Variants in CNTNAP2 observed in about 807,000 individuals in gnomAD.
CNTNAP2 encodes contactin associated protein 2.
A neutral mutation model predicts 155.2 loss-of-function variants in CNTNAP2; 98 were observed. That is an observed-to-expected ratio of 0.63 (90% CI 0.54 to 0.75). The LOEUF (loss-of-function observed/expected upper bound fraction) is 0.75, where lower values mean the gene tolerates loss of function less well. Ranked by LOEUF, CNTNAP2 falls within the 30% of genes least tolerant of loss-of-function variation. The pLI is 0.00. For missense variants in CNTNAP2, 1,727 were observed against 1,688.1 expected (o/e 1.02, Z -0.40); for synonymous variants, 651 against 631.2 (o/e 1.03, Z -0.47).
intron 1 of CNTNAP2, among the ~76,000 whole-genome samples, chr7:146,299,319 A>G (rs1406226360): frequency 1.3e-5 from 2 of 152,158 alleles, no homozygotes; most frequent in Non-Finnish European, 2.9e-5. Flanking sequence ...CAGTGTTCTT[A>G]GCAAATTCCT....
intron 13 of CNTNAP2, among the ~76,000 whole-genome samples, chr7:147,860,661 T>G (rs1799120723): frequency 6.6e-6 from 1 of 151,828 alleles, no homozygotes; most frequent in Non-Finnish European, 1.5e-5. Flanking sequence ...ATGTAAGACA[T>G]GCCTTGATTC....
intron 1 of CNTNAP2, among the ~76,000 whole-genome samples, chr7:146,509,686 A>T (rs1324796725): frequency 6.6e-6 from 1 of 151,934 alleles, no homozygotes; most frequent in Admixed American, 6.6e-5. Flanking sequence ...GCAGCCTCTA[A>T]TTCTCACTCC....
chr7:146,930,652 A>G (rs1046076291), intron 3 of CNTNAP2, among the ~76,000 whole-genome samples: 10 of 152,360 alleles, frequency 6.6e-5, no homozygotes, highest in Middle Eastern at 3.4e-3. Flanking sequence ...AATTGGATAA[A>G]GAGTCAAGAC....
intron 1 of CNTNAP2, among the ~76,000 whole-genome samples, chr7:146,506,725 T>C (rs1021937835): frequency 6.6e-6 from 1 of 152,234 alleles, no homozygotes; most frequent in Admixed American, 6.5e-5. Flanking sequence ...CCAGTGAAGA[T>C]TACCATAGGT....
intron 13 of CNTNAP2, among the ~76,000 whole-genome samples, chr7:147,782,796 C>G (rs1239254999): frequency 6.6e-6 from 1 of 152,198 alleles, no homozygotes; most frequent in Non-Finnish European, 1.5e-5. Context: ...TTTACTCTCT[C>G]TCTCCTCTGC....
chr7:146,961,042 A>G (rs1017256435), intron 3 of CNTNAP2, among the ~76,000 whole-genome samples: 3 of 152,174 alleles, frequency 2.0e-5, no homozygotes, highest in Admixed American at 1.3e-4. Flanking sequence ...CTTCCCCACT[A>G]TTATTTTAGA....
intron 9 of CNTNAP2, among the ~76,000 whole-genome samples, chr7:147,334,476 G>A (rs1795631145): frequency 6.6e-6 from 1 of 152,056 alleles, no homozygotes; most frequent in Non-Finnish European, 1.5e-5. Context: ...TGGAGTAACA[G>A]GCACTTATAA....
chr7:147,184,943 C>T (rs147809485), intron 8 of CNTNAP2, among the ~76,000 whole-genome samples: 377 of 152,176 alleles, frequency 2.5e-3, no homozygotes, highest in African/African-American at 8.3e-3. Flanking sequence ...ATTGGGAAAA[C>T]GTTGGTAATG....
chr7:148,158,464 G>A (rs542100778), intron 17 of CNTNAP2, among the ~76,000 whole-genome samples: 6 of 152,134 alleles, frequency 3.9e-5, no homozygotes, highest in South Asian at 4.2e-4. Flanking sequence ...CTCATGATCC[G>A]CTGGCCTCAG....
chr7:148,243,598 CTTTT>C (rs1423557065), intron 20 of CNTNAP2, among the ~76,000 whole-genome samples: 1 of 152,044 alleles, frequency 6.6e-6, no homozygotes, highest in African/African-American at 2.4e-5. Flanking sequence ...GGGAATGCCT[CTTTT>C]TAAACCCGTC....
chr7:146,970,252 C>A (rs1797755673), intron 3 of CNTNAP2, among the ~76,000 whole-genome samples: 1 of 152,120 alleles, frequency 6.6e-6, no homozygotes, highest in African/African-American at 2.4e-5. Context: ...GCAAAAGAAA[C>A]TACCATCAGA....
chr7:146,750,740 A>G (rs1801888781), intron 1 of CNTNAP2, among the ~76,000 whole-genome samples: 1 of 152,266 alleles, frequency 6.6e-6, no homozygotes, highest in Middle Eastern at 3.4e-3. Flanking sequence ...CCAGAAATGT[A>G]TATAGTGATT....
chr7:147,393,105 T>C (rs1442253477), intron 9 of CNTNAP2, among the ~76,000 whole-genome samples: 1 of 151,996 alleles, frequency 6.6e-6, no homozygotes, highest in Non-Finnish European at 1.5e-5. Flanking sequence ...CAGGCCTAAT[T>C]GATTATAGAA....
At chr7:147,107,758 A>C (rs2129279426) in intron 4 of CNTNAP2, among the ~76,000 whole-genome samples, 1 of 152,296 alleles carries the variant, frequency 6.6e-6, no homozygotes, top group East Asian at 1.9e-4. Flanking sequence ...ATATACTTAA[A>C]ATCATGAAGA....
intron 8 of CNTNAP2, among the ~76,000 whole-genome samples, chr7:147,222,263 G>GTT (rs111974164): frequency 4.1e-5 from 6 of 146,684 alleles, no homozygotes; most frequent in African/African-American, 1.5e-4. Context: ...TTCTGTTATA[G>GTT]TTTTTTTTTT....
intron 5 of CNTNAP2, among the ~76,000 whole-genome samples, chr7:147,113,248 T>C (rs1199313535): frequency 6.6e-6 from 1 of 152,134 alleles, no homozygotes; most frequent in East Asian, 1.9e-4. Context: ...CATATTTCTA[T>C]AGGGAAATAC....
In CNTNAP2 at chr7:148,118,192, A is replaced by G; in HGVS notation, c.2458A>G (p.Ser820Gly). Residue 820 changes from serine to glycine, a missense_variant, in exon 16 of 24, where the codon AGC becomes GGC. Transcript: ENST00000361727. ...CTTCTCTACTTTCCAAGGGGAAACT[A>G]GCGCTGACATTTCTTTCTACTTCAA... ...LHFSTFQGET[S>G]ADISFYFKTL... The G allele has an allele frequency of 3.1e-6, 5 of 1,614,184 alleles. No homozygotes were observed. Among genetic ancestry groups the G allele is most frequent in the Non-Finnish European group, 4.2e-6 (5 of 1,180,034 alleles).
chr7:147,933,818 G>A (rs770505645), intron 14 of CNTNAP2, among the ~76,000 whole-genome samples: 11 of 152,042 alleles, frequency 7.2e-5, no homozygotes, highest in African/African-American at 9.7e-5. Context: ...AGCCAAGATC[G>A]CACCATTGCA....
At chr7:148,134,926 A>G (rs1166925824) in intron 16 of CNTNAP2, among the ~76,000 whole-genome samples, 1 of 152,154 alleles carries the variant, frequency 6.6e-6, no homozygotes, top group Non-Finnish European at 1.5e-5. Flanking sequence ...GCATTTATAT[A>G]TACTTTTTTT....
Sources: allele counts gnomAD v4.1 joint callset (sites outside exome capture counted in the v4.1 genomes callset), GRCh38; gene constraint gnomAD v4.1.1; transcripts MANE v1.5; gene names NCBI Gene and HGNC (gene_info 2026-07-23, HGNC 2026-07-21).